AGAP1: variants seen among roughly 807,000 people sequenced by gnomAD.
AGAP1 encodes ArfGAP with GTPase domain, ankyrin repeat and PH domain 1.
AGAP1 carries 29 observed loss-of-function variants against 105.3 expected under a neutral mutation model. That is an observed-to-expected ratio of 0.28 (90% CI 0.21 to 0.38). The LOEUF (loss-of-function observed/expected upper bound fraction) is 0.38. Among genes scored for constraint, AGAP1 ranks in the 10% least tolerant of loss-of-function variants. The pLI is 1.00. For synonymous variants in AGAP1, 509 were observed against 485.9 expected (o/e 1.05, Z -0.63); for missense variants, 998 against 1,165.1 (o/e 0.86, Z 2.09).
rs1041389718 is a variant in AGAP1, at chr2:235,690,739, C to G, written c.164-18440C>G. ...TTGGTAGACACCTGTCTGCTTGGGG[C>G]AGGTATACTGACTTTTTGTTGCTTT... On this transcript the variant is annotated intron_variant, in intron 1 of 17. Transcript: ENST00000304032. The surrounding 1 kb of genome is among the most constrained non-coding windows in gnomAD (Gnocchi z 4.1). Among the ~76,000 whole-genome samples, 1 of 152,158 alleles carries G rather than the reference C, an allele frequency of 6.6e-6. No homozygotes were observed. Among genetic ancestry groups the G allele is most frequent in the Non-Finnish European group, 1.5e-5 (1 of 68,044 alleles).
At position 235,951,494 on chromosome 2, in the gene AGAP1, GTTC is replaced by G. The variant is rs1326817333; in HGVS notation, c.1484-16963_1484-16961del. On this transcript the variant is annotated intron_variant, in intron 12 of 17. Transcript: ENST00000304032. This position sits in a 1 kb window ranked among gnomAD's most constrained non-coding sequence, Gnocchi z 4.2. Reference sequence around the variant, plus strand: ...AATTATGAGATTTCCTCTGAACTTTGTTCTTCTCGTTATTTTTGGAATGATTGC... The same window carrying G: ...AATTATGAGATTTCCTCTGAACTTTGTTCTCGTTATTTTTGGAATGATTGC... 1.1e-4 allele frequency among the ~76,000 whole-genome samples: 17 copies of G among 152,242 alleles called. No individual in the cohort carries two copies. The highest frequency in any genetic ancestry group is 2.1e-4 in the South Asian group (1 of 4,824).
Position 236,107,124 on chromosome 2 carries a change from G to T in AGAP1, c.2115-13068G>T, listed in dbSNP as rs1422585324. Among the ~76,000 whole-genome samples the T allele has an allele frequency of 5.0e-5, 3 of 60,478 alleles. No homozygotes were observed. In the Admixed American group the frequency reaches 5.3e-4, roughly 11 times the overall value. 39.7% of individuals were successfully genotyped at this position (60,478 alleles called of 152,430 possible). The stretch of plus-strand genomic sequence containing the variant: ...ACCCGTTCCCCCCCGCCCCACCCCC[G>T]CCAGCGGATTCTCCTGCGGAACCTC... On this transcript the variant is annotated intron_variant, in intron 16 of 17. Transcript: ENST00000304032.
rs1947132922 is a variant in AGAP1 at position 235,639,873 on chromosome 2, T to C, written c.164-69306T>C. 2.6e-5 allele frequency among the ~76,000 whole-genome samples: 4 copies of C among 152,200 alleles called. No individual in the cohort carries two copies. Among genetic ancestry groups the C allele is most frequent in the Admixed American group, 2.6e-4 (4 of 15,266 alleles). On this transcript the variant is annotated intron_variant, in intron 1 of 17. Transcript: ENST00000304032. The surrounding 1 kb of genome is among the most constrained non-coding windows in gnomAD (Gnocchi z 5.3). ...ACGTCTTGAGGGGTCCACGGATTGA[T>C]AGAGTCAGCAGGGATGGACAGTTTC...
At chr2:236,024,775 A>G (rs1157740455) in intron 13 of AGAP1, among the ~76,000 whole-genome samples, 3 of 152,246 alleles carry the variant, frequency 2.0e-5, no homozygotes, top group Non-Finnish European at 4.4e-5. Flanking sequence ...CTGCATAGAA[A>G]CTGGACACAA....
At chr2:235,572,003 C>CA (rs1336199763) in intron 1 of AGAP1, among the ~76,000 whole-genome samples, 4,795 of 92,458 alleles carry the variant, frequency 0.052, 128 homozygotes, top group Non-Finnish European at 0.067. Context: ...CACACACACA[C>CA]TTTTTTTTTT....
intron 6 of AGAP1, among the ~76,000 whole-genome samples, chr2:235,770,749 T>C (rs1377470016): frequency 1.3e-5 from 2 of 152,208 alleles, no homozygotes; most frequent in Non-Finnish European, 1.5e-5. Flanking sequence ...CAGTCAGTGC[T>C]AGGATAATTA....
At chr2:235,749,525 G>A (rs1264466069) in intron 5 of AGAP1, among the ~76,000 whole-genome samples, 1 of 152,002 alleles carries the variant, frequency 6.6e-6, no homozygotes, top group East Asian at 1.9e-4. Flanking sequence ...CAAAACCTCA[G>A]GGGACTCGCT....
At chr2:235,704,554 G>T (rs566208937) in intron 1 of AGAP1, among the ~76,000 whole-genome samples, 1 of 152,344 alleles carries the variant, frequency 6.6e-6, no homozygotes, top group South Asian at 2.1e-4. Flanking sequence ...GCTGAGGCAG[G>T]AGAATCTCTT....
At position 235,566,622 on chromosome 2, in the gene AGAP1, T is replaced by A. The variant is rs1382793889; in HGVS notation, c.163+71773T>A. On this transcript the variant is annotated intron_variant, in intron 1 of 17. Coordinates refer to ENST00000304032, the MANE Select transcript of AGAP1 (RefSeq NM_001037131.3). This position sits in a 1 kb window ranked among gnomAD's most constrained non-coding sequence, Gnocchi z 5.2. The stretch of plus-strand genomic sequence containing the variant: ...AGGTCTGTCTCCTGCCTCTCTTATT[T>A]ATGTTGTATGCCTGACACCTTCCTC... 1 of 983,574 alleles carries A rather than the reference T, an allele frequency of 1.0e-6. No homozygotes were observed. The allele number at this position is 983,574 out of a possible 1,614,324, so 60.9% of individuals were successfully genotyped here.
At chr2:235,956,360 T>C (rs1292454887) in intron 12 of AGAP1, among the ~76,000 whole-genome samples, 1 of 152,180 alleles carries the variant, frequency 6.6e-6, no homozygotes, top group Non-Finnish European at 1.5e-5. Context: ...AACTATAAAT[T>C]CCTGATATGC....
chr2:235,657,897 C>T (rs868114142), intron 1 of AGAP1, among the ~76,000 whole-genome samples: 3 of 152,126 alleles, frequency 2.0e-5, no homozygotes, highest in South Asian at 2.1e-4. Context: ...GAGATTAAGA[C>T]GCAGACACAC....
Position 235,825,090 on chromosome 2 carries a change from A to AG in AGAP1, c.1050+17759_1050+17760insG, listed in dbSNP as rs535997953. Among the ~76,000 whole-genome samples the AG allele has an allele frequency of 2.3e-3, 349 of 152,380 alleles. 3 individuals are homozygous for AG. Among genetic ancestry groups the AG allele is most frequent in the African/African-American group, 7.8e-3 (326 of 41,600 alleles). On this transcript the variant is annotated intron_variant, in intron 9 of 17. Coordinates refer to ENST00000304032, the MANE Select transcript of AGAP1 (RefSeq NM_001037131.3). ...CTACTGAAAATGATATTGAAAGAAAATGAGACCTGTTTCTCCTTGTTGAAA... is the reference window on the plus strand; with the variant it reads ...CTACTGAAAATGATATTGAAAGAAAAGTGAGACCTGTTTCTCCTTGTTGAAA...
chr2:236,021,105 G>A (rs2056867942), intron 13 of AGAP1, among the ~76,000 whole-genome samples: 1 of 150,240 alleles, frequency 6.7e-6, no homozygotes. Context: ...GGCAGAGGTT[G>A]CAGTGAGCCA....
intron 12 of AGAP1, among the ~76,000 whole-genome samples, chr2:235,935,653 A>C (rs1403658154): frequency 2.6e-5 from 4 of 152,216 alleles, no homozygotes; most frequent in African/African-American, 9.6e-5. Flanking sequence ...GTTTGCAGTC[A>C]ATGAAGAGGC....
chr2:235,641,411 A>G (rs774530178), intron 1 of AGAP1, among the ~76,000 whole-genome samples: 1 of 147,226 alleles, frequency 6.8e-6, no homozygotes, highest in Non-Finnish European at 1.5e-5. Flanking sequence ...TTAAAAAGAA[A>G]TGCCTCTCCT....
chr2:235,847,869 T>C (rs1961688012), intron 9 of AGAP1, among the ~76,000 whole-genome samples: 1 of 152,238 alleles, frequency 6.6e-6, no homozygotes, highest in Non-Finnish European at 1.5e-5. Flanking sequence ...GCTTGTGTTT[T>C]ACATGATGGA....
chr2:235,583,456 C>T (rs373869804), intron 1 of AGAP1, among the ~76,000 whole-genome samples: 3 of 151,988 alleles, frequency 2.0e-5, no homozygotes, highest in South Asian at 2.1e-4. Flanking sequence ...TGCTTCAGGC[C>T]GGTGGTTGTT....
rs2059077096 is a variant in AGAP1 at position 236,092,128 on chromosome 2, G to A, written c.2115-28064G>A. Among the ~76,000 whole-genome samples, 1 of 152,202 alleles carries A rather than the reference G, an allele frequency of 6.6e-6. No homozygotes were observed. Among genetic ancestry groups the A allele is most frequent in the African/African-American group, 2.4e-5 (1 of 41,460 alleles). On this transcript the variant is annotated intron_variant, in intron 16 of 17. Transcript: ENST00000304032. This position sits in a 1 kb window ranked among gnomAD's most constrained non-coding sequence, Gnocchi z 4.7. ...GTCCAGGGTTAGGGATGGAGAGGGT[G>A]GGTGAGGTTTTAGAAAGGCAACAAG...
At chr2:235,587,154 C>CA (rs1484884973) in intron 1 of AGAP1, among the ~76,000 whole-genome samples, 5 of 152,186 alleles carry the variant, frequency 3.3e-5, no homozygotes, top group African/African-American at 1.2e-4. Context: ...ATAATAGACT[C>CA]ACGTTGATTT....
Sources: gnomAD v4.1 joint callset for allele counts (sites outside exome capture counted in the v4.1 genomes callset) on GRCh38, gnomAD v4.1.1 for gene constraint, Gnocchi (gnomAD v3.1) non-coding constraint, MANE v1.5 for transcripts, NCBI Gene and HGNC (gene_info 2026-07-23, HGNC 2026-07-21) for gene names.